Variants in OXCT1 observed in about 807,000 individuals in gnomAD.
OXCT1 encodes the protein 3-oxoacid CoA-transferase 1, also known as succinyl-CoA:3-ketoacid coenzyme A transferase 1, mitochondrial.
In OXCT1, 27 loss-of-function variants were observed where a neutral mutation model predicts 69.6. The observed-to-expected ratio is 0.39, with a 90% CI of 0.29 to 0.54. OXCT1 has a LOEUF of 0.54. OXCT1 is among the 20% of genes least tolerant of loss of function. OXCT1 has a pLI of 0.72. For synonymous variants in OXCT1, 202 were observed against 217.8 expected (o/e 0.93, Z 0.64); for missense variants, 437 against 650.2 (o/e 0.67, Z 3.57).
chr5:41,784,224 G>A (rs1405664451), intron 13 of OXCT1, among the ~76,000 whole-genome samples: 1 of 152,106 alleles, frequency 6.6e-6, no homozygotes, highest in Non-Finnish European at 1.5e-5. Context: ...AGAATTCTTT[G>A]ATTGGTAGAT....
rs989641082 is a variant in OXCT1, at chr5:41,731,350, T to C, written c.*379A>G. 134 of 1,027,628 alleles carry C rather than the reference T, an allele frequency of 1.3e-4. No individual in the cohort carries two copies. Among genetic ancestry groups the C allele is most frequent in the Middle Eastern group, 4.9e-4 (1 of 2,036 alleles). The allele number at this position is 1,027,628 out of a possible 1,614,324, so 63.7% of individuals were successfully genotyped here. A position where few individuals can be genotyped will look rare whatever the true frequency, so the allele number is the denominator to read the frequency against. ...CTCTCCTAACCACAAAAATCACATATGTTATCTTTCTTTCAGGACTAATAA... is the reference window on the plus strand; with the variant it reads ...CTCTCCTAACCACAAAAATCACATACGTTATCTTTCTTTCAGGACTAATAA... On this transcript the variant is annotated 3_prime_UTR_variant, in exon 17 of 17. Transcript: ENST00000196371.
chr5:41,831,747 G>A (rs181845733), intron 7 of OXCT1, among the ~76,000 whole-genome samples: 56 of 152,250 alleles, frequency 3.7e-4, no homozygotes, highest in Non-Finnish European at 7.2e-4. Context: ...GATAGTCATT[G>A]GAGCTAAGGT....
intron 1 of OXCT1, among the ~76,000 whole-genome samples, chr5:41,863,266 T>C (rs1749824739): frequency 6.6e-6 from 1 of 152,192 alleles, no homozygotes. Context: ...CTATATACAT[T>C]GTTGAACAGC....
chr5:41,764,918 G>C (rs1420403804), intron 13 of OXCT1, among the ~76,000 whole-genome samples: 1 of 152,144 alleles, frequency 6.6e-6, no homozygotes, highest in Non-Finnish European at 1.5e-5. Flanking sequence ...ATTTCTAGCA[G>C]GTCACAGGAA....
Position 41,762,084 on chromosome 5 carries a change from G to T in OXCT1, c.1338+27C>A. On this transcript the variant is annotated intron_variant, in intron 14 of 16. Transcript: ENST00000196371. The surrounding 1 kb of genome is among the most constrained non-coding windows in gnomAD (Gnocchi z 4.0). ...GATGTATTGCAAATTTCCAAAAGCA[G>T]TATTTGGGGAGCACAGTACATGTTA... The T allele has an allele frequency of 6.6e-7, 1 of 1,519,692 alleles. No homozygotes were observed. The highest frequency in any genetic ancestry group is 9.1e-7 in the Non-Finnish European group (1 of 1,093,798). 94.1% of individuals were successfully genotyped at this position (1,519,692 alleles called of 1,614,324 possible).
rs528913676 is a variant in OXCT1 at position 41,805,591 on chromosome 5, G to C, written c.931C>G (p.Leu311Val). ...CCATACATGCCATCCTCAAACTCAA[G>C]AGCGGCCCTCTTGATGATTCGTTCC... ...VRERIIKRAA[L>V]EFEDGMYANL... is the part of the protein sequence containing the mutation. Residue 311 changes from leucine to valine, a missense_variant, in exon 9 of 17, where the codon CTT (leucine) becomes GTT (valine). Around this residue, in one of 4 missense-constraint regions of OXCT1, gnomAD observed 252 missense variants for 397.4 expected, o/e 0.63. Transcript: ENST00000196371. The C allele has an allele frequency of 1.9e-6, 3 of 1,612,568 alleles. No homozygotes were observed. The highest frequency in any genetic ancestry group is 1.1e-5 in the South Asian group (1 of 91,054).
chr5:41,805,168 C>A (rs1181491801), intron 9 of OXCT1, among the ~76,000 whole-genome samples: 1 of 151,942 alleles, frequency 6.6e-6, no homozygotes, highest in East Asian at 1.9e-4. Context: ...GAAGTTGGAT[C>A]TTTCAATGAG....
At chr5:41,748,907 C>A (rs1386471149) in intron 15 of OXCT1, among the ~76,000 whole-genome samples, 1 of 152,070 alleles carries the variant, frequency 6.6e-6, no homozygotes, top group African/African-American at 2.4e-5. Context: ...AGGTTCAAAT[C>A]TGAGTCAGAA....
At chr5:41,823,534 C>T (rs1015896883) in intron 7 of OXCT1, among the ~76,000 whole-genome samples, 2 of 152,208 alleles carry the variant, frequency 1.3e-5, no homozygotes, top group Non-Finnish European at 2.9e-5. Flanking sequence ...TTGTGATTCT[C>T]CGTATTAGCC....
intron 15 of OXCT1, chr5:41,739,870 C>CAAAA (rs770217745): frequency 1.3e-5 from 1 of 76,764 alleles, no homozygotes; most frequent in South Asian, 3.5e-4. Flanking sequence ...GACTCTGTCT[C>CAAAA]AAAAAAAAAA....
intron 15 of OXCT1, among the ~76,000 whole-genome samples, chr5:41,742,503 T>A (rs1743220519): frequency 6.6e-6 from 1 of 152,218 alleles, no homozygotes; most frequent in Admixed American, 6.5e-5. Flanking sequence ...TTATTACACT[T>A]TAAGTTTTAG....
chr5:41,780,815 G>A (rs1380145640), intron 13 of OXCT1, among the ~76,000 whole-genome samples: 3 of 152,086 alleles, frequency 2.0e-5, no homozygotes, highest in Non-Finnish European at 2.9e-5. Flanking sequence ...TGGACAGGAT[G>A]ACTTAACTAA....
At chr5:41,822,351 A>G (rs763063634) in intron 7 of OXCT1, among the ~76,000 whole-genome samples, 1 of 152,188 alleles carries the variant, frequency 6.6e-6, no homozygotes, top group Non-Finnish European at 1.5e-5. Context: ...CACCATAAAC[A>G]CTAAGAATTT....
intron 7 of OXCT1, among the ~76,000 whole-genome samples, chr5:41,813,730 CT>C (rs949917404): frequency 2.6e-5 from 4 of 151,466 alleles, no homozygotes; most frequent in Non-Finnish European, 5.9e-5. Context: ...AGTTGAACCA[CT>C]CTTTTAAATG....
At chr5:41,862,885 G>C in intron 1 of OXCT1, 135 bp from the exon 2 acceptor site, 1 of 633,188 alleles carries the variant, frequency 1.6e-6, no homozygotes, top group Non-Finnish European at 2.9e-6. Flanking sequence ...TTAATTGCCA[G>C]GTAATAACTG....
intron 13 of OXCT1, among the ~76,000 whole-genome samples, chr5:41,782,413 T>A (rs1745451533): frequency 6.6e-6 from 1 of 151,982 alleles, no homozygotes; most frequent in Admixed American, 6.6e-5. Flanking sequence ...CGGGTTTCAC[T>A]GTGTTGGCCA....
At chr5:41,748,018 C>T (rs566383718) in intron 15 of OXCT1, among the ~76,000 whole-genome samples, 1 of 152,188 alleles carries the variant, frequency 6.6e-6, no homozygotes, top group East Asian at 1.9e-4. Context: ...CTCTGCCTTC[C>T]TCCTTTCTGT....
chr5:41,862,337 G>A (rs1484208478), intron 2 of OXCT1, among the ~76,000 whole-genome samples: 1 of 152,022 alleles, frequency 6.6e-6, no homozygotes, highest in Non-Finnish European at 1.5e-5. Context: ...GGGATCTAGG[G>A]ATTTTTTTCA....
At chr5:41,862,012 A>C (rs932959823) in intron 2 of OXCT1, among the ~76,000 whole-genome samples, 2 of 152,156 alleles carry the variant, frequency 1.3e-5, no homozygotes, top group Non-Finnish European at 2.9e-5. Flanking sequence ...GGAGTTTGAA[A>C]CCAGACTGGC....
Sources: gnomAD v4.1 joint callset for allele counts (sites outside exome capture counted in the v4.1 genomes callset) on GRCh38, gnomAD v4.1.1 for gene constraint, gnomAD v4.1.1 regional missense constraint, Gnocchi (gnomAD v3.1) non-coding constraint, MANE v1.5 for transcripts, NCBI Gene and HGNC (gene_info 2026-07-23, HGNC 2026-07-21) for gene names.